Variants in TENM3 observed in about 807,000 individuals in gnomAD.
TENM3 encodes teneurin-3.
A neutral mutation model predicts 255.1 loss-of-function variants in TENM3; 63 were observed. The observed-to-expected ratio is 0.25, with a 90% CI of 0.20 to 0.30. TENM3 has a LOEUF of 0.30. Ranked by LOEUF, TENM3 falls within the 10% of genes least tolerant of loss-of-function variation. The pLI is 1.00. For missense variants in TENM3, 2,929 were observed against 3,461.1 expected, an observed-to-expected ratio of 0.85 and a Z score of 3.86; for synonymous variants, 1,306 against 1,322.3, an observed-to-expected ratio of 0.99 and a Z score of 0.27.
chr4:182,122,901 T>C, the TENM3 span, among the ~76,000 whole-genome samples: 15,826 of 152,228 alleles, frequency 0.1, 1,079 homozygotes, highest in East Asian at 0.33. Context: ...GTAGTCTTCA[T>C]CAATGACCTC....
the TENM3 span, among the ~76,000 whole-genome samples, chr4:182,002,954 C>A: frequency 6.6e-6 from 1 of 151,934 alleles, no homozygotes; most frequent in African/African-American, 2.4e-5. Flanking sequence ...GTGTAGTAGA[C>A]CTTTATGCCA....
chr4:181,874,561 G>A, the TENM3 span: 1 of 152,206 alleles, frequency 6.6e-6, no homozygotes, highest in Non-Finnish European at 1.5e-5. Context: ...TGATAAAAGA[G>A]ATAAACAGAG....
At chr4:181,776,457 G>A in the TENM3 span, among the ~76,000 whole-genome samples, 2 of 152,086 alleles carry the variant, frequency 1.3e-5, no homozygotes, top group Non-Finnish European at 2.9e-5. Context: ...GCTGAGTCAT[G>A]TGGTAGTTCT....
intron 3 of TENM3, among the ~76,000 whole-genome samples, chr4:182,463,363 C>A: frequency 6.6e-6 from 1 of 152,060 alleles, no homozygotes; most frequent in East Asian, 1.9e-4. Context: ...GTGAGATGGC[C>A]ACTGTCATTT....
At chr4:182,331,598 T>C (rs1763759379) in intron 2 of TENM3, among the ~76,000 whole-genome samples, 1 of 152,120 alleles carries the variant, frequency 6.6e-6, no homozygotes, top group Non-Finnish European at 1.5e-5. Flanking sequence ...TACTCAATTG[T>C]TTCATAAAAG....
intron 3 of TENM3, among the ~76,000 whole-genome samples, chr4:182,522,348 A>C (rs7659774): frequency 0.39 from 58,567 of 151,922 alleles, 11,509 homozygotes; most frequent in Admixed American, 0.43. Context: ...TCCCGCTTTC[A>C]CTTTGCAGCC....
the TENM3 span, among the ~76,000 whole-genome samples, chr4:181,827,068 A>G: frequency 6.6e-6 from 1 of 152,164 alleles, no homozygotes; most frequent in African/African-American, 2.4e-5. Context: ...CAGGAGTCGC[A>G]ATAATTCCTC....
chr4:182,007,934 C>T, the TENM3 span, among the ~76,000 whole-genome samples: 177 of 152,266 alleles, frequency 1.2e-3, no homozygotes, highest in African/African-American at 4.0e-3. Flanking sequence ...AACAAAATCC[C>T]CCAGCATTTG....
At chr4:182,591,602 T>C (rs770616437) in intron 3 of TENM3, among the ~76,000 whole-genome samples, 6 of 152,174 alleles carry the variant, frequency 3.9e-5, no homozygotes, top group East Asian at 1.9e-4. Context: ...CTGACAGATA[T>C]TTACGGTGGT....
At chr4:182,651,245 A>G (rs1389259609) in intron 5 of TENM3, among the ~76,000 whole-genome samples, 1 of 152,232 alleles carries the variant, frequency 6.6e-6, no homozygotes, top group East Asian at 1.9e-4. Flanking sequence ...CTCGTGAAGC[A>G]TCTGAAACCC....
chr4:182,380,793 G>A (rs1447902160), intron 3 of TENM3, among the ~76,000 whole-genome samples: 2 of 152,214 alleles, frequency 1.3e-5, no homozygotes, highest in Non-Finnish European at 2.9e-5. Context: ...CAGCAAGGGT[G>A]TGATTAGTTT....
the TENM3 span, among the ~76,000 whole-genome samples, chr4:181,979,780 C>G: frequency 6.6e-6 from 1 of 152,208 alleles, no homozygotes; most frequent in African/African-American, 2.4e-5. Flanking sequence ...ACTTGCTCAA[C>G]GTCATACAGC....
At chr4:182,648,329 G>A (rs1172406763) in intron 5 of TENM3, among the ~76,000 whole-genome samples, 4 of 151,426 alleles carry the variant, frequency 2.6e-5, no homozygotes, top group Non-Finnish European at 5.9e-5. Flanking sequence ...TGTCACCCAG[G>A]CTGGAGTGCA....
the TENM3 span, among the ~76,000 whole-genome samples, chr4:182,026,925 G>A: frequency 4.3e-4 from 65 of 152,042 alleles, no homozygotes; most frequent in Non-Finnish European, 8.4e-4. Flanking sequence ...CTTTGCTTAG[G>A]ATAGCTTTTG....
the TENM3 span, among the ~76,000 whole-genome samples, chr4:181,736,180 C>A: frequency 9.9e-5 from 15 of 152,084 alleles, no homozygotes; most frequent in African/African-American, 3.4e-4. Context: ...TGCCTGTAGT[C>A]CCAGCTACTT....
the TENM3 span, among the ~76,000 whole-genome samples, chr4:181,871,812 T>C: frequency 1.3e-5 from 2 of 152,128 alleles, no homozygotes; most frequent in South Asian, 2.1e-4. Flanking sequence ...CCTTCATACA[T>C]TGAAATGATT....
At chr4:182,717,852 A>T (rs962500143) in intron 13 of TENM3, among the ~76,000 whole-genome samples, 1 of 152,230 alleles carries the variant, frequency 6.6e-6, no homozygotes, top group Non-Finnish European at 1.5e-5. Context: ...TGTTGCTCAT[A>T]TCCCAAAACA....
At chr4:182,066,455 A>C in the TENM3 span, among the ~76,000 whole-genome samples, 1,039 of 152,252 alleles carry the variant, frequency 6.8e-3, 21 homozygotes, top group East Asian at 0.077. Flanking sequence ...GTTCCGCCAC[A>C]GCCTCGATGT....
intron 2 of TENM3, among the ~76,000 whole-genome samples, chr4:182,330,819 C>CA (rs1763699993): frequency 6.6e-6 from 1 of 152,182 alleles, no homozygotes; most frequent in Non-Finnish European, 1.5e-5. Context: ...GTGTCAGAAG[C>CA]ACTACAAGAG....
Sources: allele counts gnomAD v4.1 joint callset (sites outside exome capture counted in the v4.1 genomes callset), GRCh38; gene constraint gnomAD v4.1.1; transcripts MANE v1.5; gene names NCBI Gene and HGNC (gene_info 2026-07-23, HGNC 2026-07-21).